SH2D1A: variants seen among roughly 807,000 people sequenced by gnomAD.
The protein encoded by SH2D1A is SH2 domain-containing protein 1A.
Under a neutral mutation model 10.1 loss-of-function variants are expected in SH2D1A, and 6 were observed. The observed-to-expected ratio is 0.60, with a 90% CI of 0.33 to 1.18. The LOEUF (loss-of-function observed/expected upper bound fraction) is 1.18, where lower values mean the gene tolerates loss of function less well. Among genes scored for constraint, SH2D1A ranks in the 50% most tolerant of loss-of-function variants. The pLI, the probability that SH2D1A is intolerant of heterozygous loss-of-function variation, is 0.04. For synonymous variants in SH2D1A, 42 were observed against 36.9 expected, an observed-to-expected ratio of 1.14 and a Z score of -0.51; for missense variants, 51 against 97.6, an observed-to-expected ratio of 0.52 and a Z score of 2.01.
At chrX:124,363,835 G>C (rs1405583317) in intron 1 of SH2D1A, among the ~76,000 whole-genome samples, 1 of 93,632 alleles carries the variant, frequency 1.1e-5, no homozygotes, top group Non-Finnish European at 2.0e-5. Flanking sequence ...AGGTTGCAGT[G>C]AGCTGAGATT....
chrX:124,355,184 G>A (rs184825076), intron 1 of SH2D1A, among the ~76,000 whole-genome samples: 89 of 112,354 alleles, frequency 7.9e-4, no homozygotes, highest in African/African-American at 2.7e-3. Context: ...CTTTTGTGTA[G>A]TACTTGACGT....
At position 124,370,266 on chromosome X, in the gene SH2D1A, C is replaced by T. The variant is rs1012239614; in HGVS notation, c.292C>T (p.Leu98=). 1.1e-5 allele frequency: 13 copies of T among 1,187,607 alleles called. No individual in the cohort carries two copies. Among genetic ancestry groups the T allele is most frequent in the Middle Eastern group, 4.6e-4 (2 of 4,318 alleles). Residue 98 remains leucine (L), a synonymous_variant, in exon 3 of 4, where the codon CTG becomes TTG. Coordinates refer to ENST00000371139, the MANE Select transcript of SH2D1A (RefSeq NM_002351.5). ...GCCAGATCAAGGCATTGTAATACCT[C>T]TGCAGTATCCAGTTGAGAAGAAGTC... ...QKPDQGIVIP[L]QYPVEKKSSA... is the part of the protein sequence containing the mutation.
At chrX:124,362,440 G>A (rs1284526966) in intron 1 of SH2D1A, among the ~76,000 whole-genome samples, 3 of 112,083 alleles carry the variant, frequency 2.7e-5, no homozygotes, top group Non-Finnish European at 5.6e-5. Flanking sequence ...GACTTGCTTG[G>A]GACCTGTGAC....
intron 1 of SH2D1A, chrX:124,364,509 A>G (rs759626204): frequency 5.7e-6 from 1 of 174,969 alleles, no homozygotes; most frequent in African/African-American, 8.5e-5. Flanking sequence ...TTGAAGCGAT[A>G]CAGTTTTTTT....
At chrX:124,359,460 T>C (rs775241977) in intron 1 of SH2D1A, among the ~76,000 whole-genome samples, 1 of 111,768 alleles carries the variant, frequency 8.9e-6, no homozygotes, top group Non-Finnish European at 1.9e-5. Context: ...TCATTTCTCA[T>C]AGGGAAAATG....
chrX:124,357,846 G>T, intron 1 of SH2D1A, among the ~76,000 whole-genome samples: 1 of 109,397 alleles, frequency 9.1e-6, no homozygotes, highest in Non-Finnish European at 1.9e-5. Flanking sequence ...TTGCAATGGT[G>T]TCTCGGTCTG....
intron 1 of SH2D1A, among the ~76,000 whole-genome samples, chrX:124,358,425 A>G (rs1410080062): frequency 1.8e-5 from 2 of 112,205 alleles, no homozygotes; most frequent in Admixed American, 1.9e-4. Flanking sequence ...TTCCATGGAC[A>G]GGGACAGAGT....
rs763999481 is a variant in SH2D1A, at chrX:124,347,787, T to C, written c.137+1008T>C. On this transcript the variant is annotated intron_variant, in intron 1 of 3. Coordinates refer to ENST00000371139, the MANE Select transcript of SH2D1A (RefSeq NM_002351.5). ...TGGTATTATTATTATACCAAAGATATATTATTATTTTATCTTCTCTTTTCA... is the reference window on the plus strand; with the variant it reads ...TGGTATTATTATTATACCAAAGATACATTATTATTTTATCTTCTCTTTTCA... Among the ~76,000 whole-genome samples, 19 of 111,511 alleles carry C rather than the reference T, an allele frequency of 1.7e-4. No homozygotes were observed. The South Asian group carries it at 1.9e-3, about 11-fold the overall frequency.
Position 124,346,600 on chromosome X carries a change from TG to T in SH2D1A, c.-42del, listed in dbSNP as rs2059993023. On this transcript the variant is annotated 5_prime_UTR_variant, in exon 1 of 4. Transcript: ENST00000371139. ...GCTGCAGTAGCAGCGGCATCTCCCT[TG>T]CACAGTTCTCCTCCTCGGCCTGCCC... is the stretch of plus-strand genomic sequence containing the variant. The T allele has an allele frequency of 5.8e-6, 7 of 1,206,122 alleles. No homozygotes were observed. The highest frequency in any genetic ancestry group is 7.9e-6 in the Non-Finnish European group (7 of 891,669).
At chrX:124,365,283 T>A (rs2060051272) in intron 1 of SH2D1A, among the ~76,000 whole-genome samples, 1 of 110,349 alleles carries the variant, frequency 9.1e-6, no homozygotes, top group Admixed American at 9.7e-5. Flanking sequence ...TAGTATTATA[T>A]CCTTATACTA....
Position 124,365,926 on chromosome X carries a change from A to AG in SH2D1A, c.201+104dup, listed in dbSNP as rs1028746302. 4.1e-5 allele frequency: 23 copies of AG among 560,060 alleles called. No individual in the cohort carries two copies. The African/African-American group carries it at 5.0e-4, about 12-fold the overall frequency. 46.2% of individuals were successfully genotyped at this position (560,060 alleles called of 1,213,427 possible). A position where few individuals can be genotyped will look rare whatever the true frequency, so the allele number is the denominator to read the frequency against. On this transcript the variant is annotated intron_variant, in intron 2 of 3. Transcript: ENST00000371139. ...AATTATACATTATTAAGTATTCATA[A>AG]GGTTTAAATCTCTAAAGCTCCAATC...
chrX:124,352,632 A>G lies in SH2D1A; in HGVS notation c.137+5853A>G, dbSNP rs191521446. On this transcript the variant is annotated intron_variant, in intron 1 of 3. Coordinates refer to ENST00000371139, the MANE Select transcript of SH2D1A (RefSeq NM_002351.5). ...TCATTCTTTTTAATGGCCAGATAGT[A>G]TTCAATTGTATATGCATAGCACATT... Among the ~76,000 whole-genome samples the G allele has an allele frequency of 8.0e-5, 9 of 111,950 alleles. No homozygotes were observed. In the East Asian group the frequency reaches 2.5e-3, roughly 31 times the overall value.
intron 1 of SH2D1A, among the ~76,000 whole-genome samples, chrX:124,363,868 G>A (rs2060046272): frequency 2.4e-5 from 2 of 82,649 alleles, no homozygotes; most frequent in Middle Eastern, 8.8e-3. Flanking sequence ...TCCAGCCTGG[G>A]CAACAGAGCG....
At chrX:124,364,511 AG>A in intron 1 of SH2D1A, 1 of 171,893 alleles carries the variant, frequency 5.8e-6, no homozygotes, top group Non-Finnish European at 1.0e-5. Flanking sequence ...GAAGCGATAC[AG>A]TTTTTTTTTT....
At chrX:124,364,171 T>G (rs907386287) in intron 1 of SH2D1A, among the ~76,000 whole-genome samples, 1 of 110,683 alleles carries the variant, frequency 9.0e-6, no homozygotes, top group East Asian at 2.8e-4. Flanking sequence ...GCTCCGTGTG[T>G]GTGACTGCAC....
intron 1 of SH2D1A, among the ~76,000 whole-genome samples, chrX:124,355,095 C>T (rs1333477027): frequency 8.9e-6 from 1 of 112,371 alleles, no homozygotes; most frequent in African/African-American, 3.2e-5. Context: ...AGCATTAGTT[C>T]GTATAGACGT....
intron 1 of SH2D1A, among the ~76,000 whole-genome samples, chrX:124,358,184 T>C (rs139215236): frequency 0.01 from 1,137 of 111,857 alleles, 18 homozygotes; most frequent in African/African-American, 0.036. Flanking sequence ...TTTGGGGTTA[T>C]ACCCAAAAAC....
At chrX:124,347,764 G>C in intron 1 of SH2D1A, among the ~76,000 whole-genome samples, 1 of 111,067 alleles carries the variant, frequency 9.0e-6, no homozygotes, top group Non-Finnish European at 1.9e-5. Flanking sequence ...TAAGCTATTG[G>C]TATTATTATT....
chrX:124,360,600 T>TTAA (rs770660271), intron 1 of SH2D1A, among the ~76,000 whole-genome samples: 3 of 30,794 alleles, frequency 9.7e-5, no homozygotes, highest in African/African-American at 4.5e-4. Context: ...AAGACACCAT[T>TTAA]AAAAAAAAAA....
Sources: gnomAD v4.1 joint callset for allele counts (sites outside exome capture counted in the v4.1 genomes callset) on GRCh38, gnomAD v4.1.1 for gene constraint, MANE v1.5 for transcripts, NCBI Gene and HGNC (gene_info 2026-07-23, HGNC 2026-07-21) for gene names.